Variants in GREM1 observed in about 807,000 individuals in gnomAD.
The protein encoded by GREM1 is gremlin 1, DAN family BMP antagonist.
Under a neutral mutation model 13.1 loss-of-function variants are expected in GREM1, and 6 were observed. The ratio of observed to expected loss-of-function variants is 0.46; its 90% CI spans 0.25 to 0.91. GREM1 has a LOEUF of 0.91. Among genes scored for constraint, GREM1 ranks in the 40% least tolerant of loss-of-function variants. GREM1 has a pLI of 0.18. For missense variants in GREM1, 185 were observed against 233.9 expected, an observed-to-expected ratio of 0.79 and a Z score of 1.36; for synonymous variants, 98 against 93.7, an observed-to-expected ratio of 1.05 and a Z score of -0.27.
chr15:32,728,157 GA>G (rs2055547568), intron 1 of GREM1, among the ~76,000 whole-genome samples: 2 of 152,016 alleles, frequency 1.3e-5, no homozygotes, highest in Admixed American at 1.3e-4. Context: ...ATATGGAACT[GA>G]AAAAAGAGCC....
Position 32,733,903 on chromosome 15 carries a change from G to A in GREM1, c.*2658G>A, listed in dbSNP as rs1437435129. 1 of 239,966 alleles carries A rather than the reference G, an allele frequency of 4.2e-6. No homozygotes were observed. Among genetic ancestry groups the A allele is most frequent in the Non-Finnish European group, 8.8e-6 (1 of 113,220 alleles). 14.9% of individuals were successfully genotyped at this position (239,966 alleles called of 1,614,324 possible). ...TTTTTTGTTACTGTAGGTCTTCAAA[G>A]TTAAGAGTGTAAGTGAAAAATCTGG... On this transcript the variant is annotated 3_prime_UTR_variant, in exon 2 of 2. Coordinates refer to ENST00000651154, the MANE Select transcript of GREM1 (RefSeq NM_013372.7).
intron 1 of GREM1, among the ~76,000 whole-genome samples, chr15:32,728,139 TAAA>T (rs2055546899): frequency 1.3e-5 from 2 of 152,172 alleles, no homozygotes; most frequent in Non-Finnish European, 2.9e-5. Flanking sequence ...AAAACTACTT[TAAA>T]TTTCATATGG....
At position 32,732,403 on chromosome 15, in the gene GREM1, T is replaced by A. The variant is rs569720032; in HGVS notation, c.*1158T>A. On this transcript the variant is annotated 3_prime_UTR_variant, in exon 2 of 2. Coordinates refer to ENST00000651154, the MANE Select transcript of GREM1 (RefSeq NM_013372.7). Reference sequence around the variant, plus strand: ...GAGTGTACCTGACAGTAGTCTAAGATGAGAGAGTTTAGGGACTACTCTGTT... The same window carrying A: ...GAGTGTACCTGACAGTAGTCTAAGAAGAGAGAGTTTAGGGACTACTCTGTT... 4.1e-6 allele frequency: 1 copy of A among 244,642 alleles called. No individual in the cohort carries two copies. Among genetic ancestry groups the A allele is most frequent in the East Asian group, 6.2e-5 (1 of 16,116 alleles). 15.2% of individuals were successfully genotyped at this position (244,642 alleles called of 1,614,324 possible).
At chr15:32,718,349 C>G (rs182041333) in intron 1 of GREM1, 188 bp downstream of exon 1, 3 of 516,194 alleles carry the variant, frequency 5.8e-6, no homozygotes, top group Non-Finnish European at 1.1e-5. Flanking sequence ...GACACCGTGA[C>G]CTCGCTGCTC....
In GREM1 at chr15:32,736,945, T is replaced by G. The variant is rs2055704325; in HGVS notation, c.*5700T>G. On this transcript the variant is annotated 3_prime_UTR_variant, in exon 2 of 2. Transcript: ENST00000651154. ...AAAGCCTCATGTGAGTAATAAATGT[T>G]TCATACTCTCTTGGGGTGTGTGTAA... 1 of 152,156 alleles carries G rather than the reference T, an allele frequency of 6.6e-6. No homozygotes were observed. Among genetic ancestry groups the G allele is most frequent in the South Asian group, 2.1e-4 (1 of 4,832 alleles). The allele number at this position is 152,156 out of a possible 1,614,324, so 9.4% of individuals were successfully genotyped here.
In GREM1 at chr15:32,738,114, AAAAAAAAAAAAAAAAAAAAG is replaced by A. The variant is rs2055724510; in HGVS notation, c.*6874_*6893del. On this transcript the variant is annotated 3_prime_UTR_variant, in exon 2 of 2. Coordinates refer to ENST00000651154, the MANE Select transcript of GREM1 (RefSeq NM_013372.7). ...AAAAAAAAAAAAAAAAAAAAAAAAA[AAAAAAAAAAAAAAAAAAAAG>A]AAAAGAAAAAAGTCATCCAGATTGG... The A allele has an allele frequency of 1.6e-5, 2 of 127,342 alleles. No individual in the cohort carries two copies. The highest frequency in any genetic ancestry group is 3.2e-5 in the Non-Finnish European group (2 of 62,172). The allele number at this position is 127,342 out of a possible 1,614,324, so 7.9% of individuals were successfully genotyped here.
chr15:32,722,288 A>G (rs917568094), intron 1 of GREM1, among the ~76,000 whole-genome samples: 1 of 152,326 alleles, frequency 6.6e-6, no homozygotes, highest in East Asian at 1.9e-4. Context: ...CACTTCCACT[A>G]TTTCTTATGC....
Position 32,727,430 on chromosome 15 carries a change from G to A in GREM1, c.-1-3260G>A, listed in dbSNP as rs183582355. On this transcript the variant is annotated intron_variant, in intron 1 of 1. Coordinates refer to ENST00000651154, the MANE Select transcript of GREM1 (RefSeq NM_013372.7). ...CTCAATAGATGCAGAAAAGGCCTTC[G>A]ATAAAATTCAACACCCCTTCAATGC... 5.9e-5 allele frequency among the ~76,000 whole-genome samples: 9 copies of A among 152,218 alleles called. No individual in the cohort carries two copies. In the East Asian group the frequency reaches 9.7e-4, roughly 16 times the overall value.
intron 1 of GREM1, chr15:32,718,647 T>C (rs891435517): frequency 1.4e-5 from 5 of 362,518 alleles, no homozygotes; most frequent in African/African-American, 6.4e-5. Flanking sequence ...CCCATTGGAG[T>C]CCGCGGGTTG....
At chr15:32,725,429 G>A (rs1021187386) in intron 1 of GREM1, among the ~76,000 whole-genome samples, 1 of 152,150 alleles carries the variant, frequency 6.6e-6, no homozygotes, top group Non-Finnish European at 1.5e-5. Context: ...CCCCATAAAT[G>A]TCTTCTTTTG....
chr15:32,730,627 T>C, intron 1 of GREM1, 63 bp from the exon 2 acceptor site: 2 of 1,142,020 alleles, frequency 1.8e-6, no homozygotes, highest in South Asian at 1.6e-5. Context: ...GCTATTATTA[T>C]TAATTTTTAA....
chr15:32,718,610 C>T, intron 1 of GREM1: 1 of 382,940 alleles, frequency 2.6e-6, no homozygotes, highest in South Asian at 1.9e-5. Context: ...TGGGGCGCCG[C>T]GCTGGGTCTG....
Position 32,738,125 on chromosome 15 carries a change from A to AACAAAAAAAAAAACAAAC in GREM1, c.*6881_*6882insCAAAAAAAAAAACAAACA, listed in dbSNP as rs2055726347. 3.6e-5 allele frequency: 1 copy of AACAAAAAAAAAAACAAAC among 27,966 alleles called. No homozygotes were observed. Among genetic ancestry groups the AACAAAAAAAAAAACAAAC allele is most frequent in the Non-Finnish European group, 6.2e-5 (1 of 16,082 alleles). The allele number at this position is 27,966 out of a possible 1,614,324, so 1.7% of individuals were successfully genotyped here. On this transcript the variant is annotated 3_prime_UTR_variant, in exon 2 of 2. Coordinates refer to ENST00000651154, the MANE Select transcript of GREM1 (RefSeq NM_013372.7). ...AAAAAAAAAAAAAAAAAAAAAAAAA[A>AACAAAAAAAAAAACAAAC]AAAAAAAAGAAAAGAAAAAAGTCAT...
chr15:32,739,038 T>C lies in GREM1; in HGVS notation c.*7793T>C, dbSNP rs1340655109. On this transcript the variant is annotated 3_prime_UTR_variant, in exon 2 of 2. Coordinates refer to ENST00000651154, the MANE Select transcript of GREM1 (RefSeq NM_013372.7). ...CTGTCACTATTTTTATTCAATATTG[T>C]TCTGGAGGTTCTAGCTAGGGCAATT... 1 of 152,204 alleles carries C rather than the reference T, an allele frequency of 6.6e-6. No homozygotes were observed. Among genetic ancestry groups the C allele is most frequent in the Non-Finnish European group, 1.5e-5 (1 of 68,022 alleles). 9.4% of individuals were successfully genotyped at this position (152,204 alleles called of 1,614,324 possible).
Position 32,742,492 on chromosome 15 carries a change from C to T in GREM1, c.*11247C>T, listed in dbSNP as rs762713166. The T allele has an allele frequency of 1.3e-5, 2 of 152,110 alleles. No homozygotes were observed. The highest frequency in any genetic ancestry group is 2.9e-5 in the Non-Finnish European group (2 of 68,024). The allele number at this position is 152,110 out of a possible 1,614,324, so 9.4% of individuals were successfully genotyped here. ...TTCATGCAATCCCCATCAAAAATCCCAGTGGCATTTTTATTTACAGAAATA... is the reference window on the plus strand; with the variant it reads ...TTCATGCAATCCCCATCAAAAATCCTAGTGGCATTTTTATTTACAGAAATA... On this transcript the variant is annotated 3_prime_UTR_variant, in exon 2 of 2. Coordinates refer to ENST00000651154, the MANE Select transcript of GREM1 (RefSeq NM_013372.7).
chr15:32,724,778 C>A lies in GREM1; in HGVS notation c.-1-5912C>A, dbSNP rs184917215. 1.8e-3 allele frequency among the ~76,000 whole-genome samples: 270 copies of A among 152,154 alleles called. 1 individual carries two copies. Among genetic ancestry groups the A allele is most frequent in the Middle Eastern group, 6.8e-3 (2 of 294 alleles). On this transcript the variant is annotated intron_variant, in intron 1 of 1. Transcript: ENST00000651154. ...ACATTAGGTATTTCTCCTAATGCTA[C>A]CCCTTCCCTAGCCCCCCACCCCTCG...
At position 32,736,265 on chromosome 15, in the gene GREM1, C is replaced by T. The variant is rs2055696578; in HGVS notation, c.*5020C>T. 6.6e-6 allele frequency: 1 copy of T among 152,182 alleles called. No homozygotes were observed. The highest frequency in any genetic ancestry group is 1.5e-5 in the Non-Finnish European group (1 of 68,026). The allele number at this position is 152,182 out of a possible 1,614,324, so 9.4% of individuals were successfully genotyped here. A position where few individuals can be genotyped will look rare whatever the true frequency, so the allele number is the denominator to read the frequency against. ...TAGAGGCAATTGATTCTCTTTGTGG[C>T]TGCCTGGGGTAATGTATAACAGTTG... On this transcript the variant is annotated 3_prime_UTR_variant, in exon 2 of 2. Transcript: ENST00000651154.
intron 1 of GREM1, chr15:32,718,817 G>A: frequency 3.2e-6 from 1 of 308,236 alleles, no homozygotes. Context: ...GGGGTCCAGC[G>A]AACCCGCAGT....
intron 1 of GREM1, among the ~76,000 whole-genome samples, chr15:32,721,918 C>T (rs558916329): frequency 1.3e-4 from 20 of 152,164 alleles, no homozygotes; most frequent in Admixed American, 4.6e-4. Context: ...ATTAACTTTC[C>T]TAAGAAAATC....
Sources: gnomAD v4.1 joint callset for allele counts (sites outside exome capture counted in the v4.1 genomes callset) on GRCh38, gnomAD v4.1.1 for gene constraint, MANE v1.5 for transcripts, NCBI Gene and HGNC (gene_info 2026-07-23, HGNC 2026-07-21) for gene names.